PTPRM: variants seen among roughly 807,000 people sequenced by gnomAD.
PTPRM encodes protein tyrosine phosphatase receptor type M.
A neutral mutation model predicts 186.7 loss-of-function variants in PTPRM; 47 were observed. The observed-to-expected ratio is 0.25, with a 90% CI of 0.20 to 0.32. The LOEUF is 0.32. PTPRM is among the 10% of genes least tolerant of loss of function. The pLI is 1.00. For missense variants in PTPRM, 1,494 were observed against 1,865.0 expected (o/e 0.80, Z 3.66); for synonymous variants, 668 against 674.9 (o/e 0.99, Z 0.16).
At chr18:7,705,325 A>ATCTGTCTG (rs1222961839) in intron 1 of PTPRM, among the ~76,000 whole-genome samples, 25 of 140,140 alleles carry the variant, frequency 1.8e-4, no homozygotes, top group African/African-American at 4.9e-4. Flanking sequence ...CTATCTATCT[A>ATCTGTCTG]TCTGTCTATC....
At chr18:8,082,553 T>G (rs566376100) in intron 9 of PTPRM, among the ~76,000 whole-genome samples, 11 of 143,100 alleles carry the variant, frequency 7.7e-5, no homozygotes, top group South Asian at 2.5e-4. Flanking sequence ...CTCTCTCTGC[T>G]TTTTTTTCAT....
At chr18:7,637,887 C>T (rs1187076479) in intron 1 of PTPRM, among the ~76,000 whole-genome samples, 2 of 152,226 alleles carry the variant, frequency 1.3e-5, no homozygotes, top group Non-Finnish European at 2.9e-5. Context: ...AATCACATCA[C>T]TGTTCAAAAA....
chr18:7,763,316 G>A (rs2041866593), intron 1 of PTPRM, among the ~76,000 whole-genome samples: 1 of 152,190 alleles, frequency 6.6e-6, no homozygotes, highest in Non-Finnish European at 1.5e-5. Context: ...TGGAGGTGGA[G>A]GAGCACCAGT....
At chr18:7,576,418 C>A (rs1398656701) in intron 1 of PTPRM, among the ~76,000 whole-genome samples, 1 of 152,080 alleles carries the variant, frequency 6.6e-6, no homozygotes, top group Non-Finnish European at 1.5e-5. Flanking sequence ...AACAGGTAGG[C>A]TTTGACAGAG....
At chr18:7,591,357 G>A (rs1198002894) in intron 1 of PTPRM, among the ~76,000 whole-genome samples, 4 of 152,200 alleles carry the variant, frequency 2.6e-5, no homozygotes, top group African/African-American at 9.7e-5. Context: ...CAGAGAGCTT[G>A]GAGAAGCAGC....
At chr18:8,162,039 T>C (rs1259612071) in intron 14 of PTPRM, among the ~76,000 whole-genome samples, 1 of 152,144 alleles carries the variant, frequency 6.6e-6, no homozygotes, top group African/African-American at 2.4e-5. Flanking sequence ...GAGCCTCAGA[T>C]AGCAATATCT....
At chr18:8,395,415 G>C (rs950779978) in intron 32 of PTPRM, among the ~76,000 whole-genome samples, 3 of 152,160 alleles carry the variant, frequency 2.0e-5, no homozygotes, top group Non-Finnish European at 2.9e-5. Context: ...AGAGGGAGTT[G>C]AGAGTCAAGC....
At chr18:8,074,547 T>A (rs747223708) in intron 8 of PTPRM, among the ~76,000 whole-genome samples, 3 of 152,192 alleles carry the variant, frequency 2.0e-5, no homozygotes, top group Admixed American at 6.5e-5. Context: ...TTCCGATTAC[T>A]CTTCCTTCTT....
At position 7,632,468 on chromosome 18, in the gene PTPRM, C is replaced by T. The variant is rs553689260; in HGVS notation, c.73+64577C>T. The stretch of plus-strand genomic sequence containing the variant: ...GCTTCATTGCTAAGATTTGGGCAAT[C>T]CATAGGTCTTCAGTGATGCAAATCA... On this transcript the variant is annotated intron_variant, in intron 1 of 32. Coordinates refer to ENST00000580170, the MANE Select transcript of PTPRM (RefSeq NM_001105244.2). Among the ~76,000 whole-genome samples the T allele has an allele frequency of 2.0e-5, 3 of 152,256 alleles. No homozygotes were observed. In the South Asian group the frequency reaches 6.2e-4, roughly 32 times the overall value.
At chr18:8,269,301 A>G (rs2094740944) in intron 19 of PTPRM, among the ~76,000 whole-genome samples, 1 of 151,992 alleles carries the variant, frequency 6.6e-6, no homozygotes, top group Non-Finnish European at 1.5e-5. Flanking sequence ...ATAGCATCAA[A>G]AAGAATAAAA....
rs141295625 is a variant in PTPRM at position 8,007,878 on chromosome 18, A to C, written c.1132+52464A>C. Among the ~76,000 whole-genome samples the C allele has an allele frequency of 8.2e-3, 1,248 of 152,346 alleles. 7 individuals are homozygous for C. The highest frequency in any genetic ancestry group is 0.034 in the South Asian group (163 of 4,832). On this transcript the variant is annotated intron_variant, in intron 7 of 32. Coordinates refer to ENST00000580170, the MANE Select transcript of PTPRM (RefSeq NM_001105244.2). ...TTCTGGTGGTAGATTCTTATCTAAT[A>C]GTTAAAAGACGTTAGGAGAGGAATC...
intron 1 of PTPRM, among the ~76,000 whole-genome samples, chr18:7,576,648 G>A (rs975644376): frequency 1.3e-5 from 2 of 151,942 alleles, no homozygotes; most frequent in Non-Finnish European, 2.9e-5. Flanking sequence ...GCTAATTAAA[G>A]AAAAAAATTG....
chr18:8,135,041 A>G (rs529708989), intron 13 of PTPRM, among the ~76,000 whole-genome samples: 47 of 152,312 alleles, frequency 3.1e-4, no homozygotes, highest in African/African-American at 1.1e-3. Flanking sequence ...AATAAAAATT[A>G]TATAAGTTAC....
intron 2 of PTPRM, among the ~76,000 whole-genome samples, chr18:7,807,788 A>C (rs1031748256): frequency 6.6e-6 from 1 of 152,238 alleles, no homozygotes. Flanking sequence ...TTGAAGAATT[A>C]CATCTAAGTA....
At chr18:8,147,418 T>C in intron 14 of PTPRM, among the ~76,000 whole-genome samples, 1 of 152,238 alleles carries the variant, frequency 6.6e-6, no homozygotes, top group Non-Finnish European at 1.5e-5. Context: ...CAATTGCGAA[T>C]GGGAGTTCAC....
intron 1 of PTPRM, among the ~76,000 whole-genome samples, chr18:7,593,491 A>G (rs2037177419): frequency 6.6e-6 from 1 of 152,222 alleles, no homozygotes; most frequent in Non-Finnish European, 1.5e-5. Flanking sequence ...ATGAAACTCC[A>G]GGCTTCTAAT....
chr18:7,571,546 T>G (rs970160411), intron 1 of PTPRM, among the ~76,000 whole-genome samples: 6 of 152,236 alleles, frequency 3.9e-5, no homozygotes, highest in African/African-American at 1.4e-4. Context: ...TGTGTTAAGT[T>G]CTGCTAAGCA....
intron 7 of PTPRM, among the ~76,000 whole-genome samples, chr18:8,049,710 G>GTTTT (rs371227331): frequency 6.9e-6 from 1 of 145,974 alleles, no homozygotes; most frequent in Non-Finnish European, 1.5e-5. Context: ...AGTCTGTGAG[G>GTTTT]TTTTTTTTTT....
intron 2 of PTPRM, among the ~76,000 whole-genome samples, chr18:7,778,789 G>A (rs1311802224): frequency 6.6e-6 from 1 of 152,066 alleles, no homozygotes; most frequent in African/African-American, 2.4e-5. Context: ...CCACAGTGGG[G>A]AAATTTCTTG....
Sources: gnomAD v4.1 joint callset for allele counts (sites outside exome capture counted in the v4.1 genomes callset) on GRCh38, gnomAD v4.1.1 for gene constraint, MANE v1.5 for transcripts, NCBI Gene and HGNC (gene_info 2026-07-23, HGNC 2026-07-21) for gene names.